The following APBB2 variants were observed in gnomAD, a reference collection of about 807,000 sequenced individuals.
APBB2 encodes the protein amyloid beta precursor protein binding family B member 2, also known as Fe65-like 1.
In APBB2, 38 loss-of-function variants were observed where a neutral mutation model predicts 82.5. That is an observed-to-expected ratio of 0.46 (90% CI 0.36 to 0.60). The LOEUF (loss-of-function observed/expected upper bound fraction) is 0.60, where lower values mean the gene tolerates loss of function less well. APBB2 is among the 20% of genes least tolerant of loss of function. The probability of loss-of-function intolerance (pLI) is 0.00; values close to 1 mark genes in which losing one functional copy is unlikely to be tolerated. For missense variants in APBB2, 772 were observed against 972.3 expected, an observed-to-expected ratio of 0.79 and a Z score of 2.74; for synonymous variants, 341 against 368.2, an observed-to-expected ratio of 0.93 and a Z score of 0.85.
At chr4:41,140,282 C>G (rs1379852393) in intron 2 of APBB2, among the ~76,000 whole-genome samples, 1 of 152,156 alleles carries the variant, frequency 6.6e-6, no homozygotes, top group Non-Finnish European at 1.5e-5. Context: ...CATTACTAAC[C>G]TCTGAAATTA....
At chr4:41,027,364 CATATATATAT>C (rs36224955) in intron 5 of APBB2, among the ~76,000 whole-genome samples, 7,318 of 127,346 alleles carry the variant, frequency 0.057, 344 homozygotes, top group East Asian at 0.091. Flanking sequence ...CATATTGTTA[CATATATATAT>C]ATATATATAT....
In APBB2 at chr4:40,812,046, T is replaced by C. The variant is rs1357783170; in HGVS notation, c.*4046A>G. ...CAAAAGACTCGAGTTGGTGACTAAATAGGCTTCTATGTCCGGAAGGCCAGC... is the reference window on the plus strand; with the variant it reads ...CAAAAGACTCGAGTTGGTGACTAAACAGGCTTCTATGTCCGGAAGGCCAGC... On this transcript the variant is annotated 3_prime_UTR_variant, in exon 18 of 18. Transcript: ENST00000508593. 6.6e-6 allele frequency: 1 copy of C among 152,190 alleles called. No individual in the cohort carries two copies. The highest frequency in any genetic ancestry group is 1.5e-5 in the Non-Finnish European group (1 of 68,028). The allele number at this position is 152,190 out of a possible 1,614,324, so 9.4% of individuals were successfully genotyped here.
intron 6 of APBB2, among the ~76,000 whole-genome samples, chr4:41,000,778 C>G (rs75438223): frequency 6.6e-6 from 1 of 152,034 alleles, no homozygotes; most frequent in Admixed American, 6.6e-5. Flanking sequence ...TATAATGAGC[C>G]TGAGATGAAA....
At chr4:40,905,258 G>C (rs1236288047) in intron 10 of APBB2, among the ~76,000 whole-genome samples, 2 of 152,168 alleles carry the variant, frequency 1.3e-5, no homozygotes, top group Non-Finnish European at 2.9e-5. Flanking sequence ...TTCCCAGCCT[G>C]GGTCACCTCT....
intron 12 of APBB2, among the ~76,000 whole-genome samples, chr4:40,854,918 C>T (rs1245001476): frequency 1.2e-4 from 19 of 152,110 alleles, no homozygotes; most frequent in Admixed American, 1.2e-3. Context: ...ACTGGAATTA[C>T]CCCATTGAAA....
chr4:41,125,023 G>A (rs140146137), intron 2 of APBB2, among the ~76,000 whole-genome samples: 62 of 152,294 alleles, frequency 4.1e-4, no homozygotes, highest in South Asian at 2.5e-3. Context: ...GGTACAATGC[G>A]TTGCCTACAC....
intron 4 of APBB2, among the ~76,000 whole-genome samples, chr4:41,044,407 T>G (rs529587978): frequency 3.3e-4 from 51 of 152,342 alleles, no homozygotes; most frequent in African/African-American, 1.2e-3. Flanking sequence ...CATGCCCTAA[T>G]AATCTTTGAT....
At chr4:41,067,534 C>T (rs1261206902) in intron 3 of APBB2, among the ~76,000 whole-genome samples, 1 of 151,860 alleles carries the variant, frequency 6.6e-6, no homozygotes. Context: ...AAAGTGATTA[C>T]AACATAGAAA....
intron 1 of APBB2, among the ~76,000 whole-genome samples, chr4:41,206,951 AC>A (rs1778090003): frequency 6.6e-6 from 1 of 152,094 alleles, no homozygotes; most frequent in African/African-American, 2.4e-5. Context: ...TAATCCCAGC[AC>A]TTTGAGAGGC....
chr4:40,834,830 G>C (rs925887034), intron 12 of APBB2, among the ~76,000 whole-genome samples: 1 of 152,136 alleles, frequency 6.6e-6, no homozygotes, highest in Non-Finnish European at 1.5e-5. Context: ...ACTGGGATTT[G>C]ACATTTCTGA....
intron 12 of APBB2, among the ~76,000 whole-genome samples, chr4:40,844,880 CTTA>C (rs1389079747): frequency 5.3e-5 from 8 of 152,162 alleles, no homozygotes; most frequent in Non-Finnish European, 1.0e-4. Flanking sequence ...TTTTCAATTT[CTTA>C]TTTTTAATAA....
chr4:40,993,847 CT>C (rs2154414645), intron 6 of APBB2, among the ~76,000 whole-genome samples: 1 of 152,204 alleles, frequency 6.6e-6, no homozygotes, highest in East Asian at 1.9e-4. Context: ...ACAGAAGGCC[CT>C]AACTAAAGCA....
chr4:40,966,203 C>T (rs981188347), intron 6 of APBB2, among the ~76,000 whole-genome samples: 4 of 152,204 alleles, frequency 2.6e-5, no homozygotes, highest in African/African-American at 7.2e-5. Flanking sequence ...CCTCCCCCCT[C>T]GTTCTTTCTC....
intron 2 of APBB2, among the ~76,000 whole-genome samples, chr4:41,106,114 T>C (rs1747143855): frequency 6.6e-6 from 1 of 152,196 alleles, no homozygotes; most frequent in African/African-American, 2.4e-5. Flanking sequence ...AATTAGCATA[T>C]GTATAGCTCA....
intron 12 of APBB2, among the ~76,000 whole-genome samples, chr4:40,834,908 G>A (rs1753346369): frequency 6.6e-6 from 1 of 152,204 alleles, no homozygotes; most frequent in Non-Finnish European, 1.5e-5. Flanking sequence ...ATTTGTTACA[G>A]CAACAATAGG....
chr4:40,951,039 G>GGCATATAGATGTAGATGGTAAC (rs1789997958), intron 6 of APBB2, among the ~76,000 whole-genome samples: 4 of 152,140 alleles, frequency 2.6e-5, no homozygotes, highest in Admixed American at 2.6e-4. Flanking sequence ...ACATTGCTTA[G>GGCATATAGATGTAGATGGTAAC]GCATATAGAT....
chr4:41,116,826 G>A lies in APBB2; in HGVS notation c.-260-16076C>T, dbSNP rs184613758. Among the ~76,000 whole-genome samples, 124 of 152,192 alleles carry A rather than the reference G, an allele frequency of 8.1e-4. 1 individual carries two copies. Among genetic ancestry groups the A allele is most frequent in the African/African-American group, 2.9e-3 (121 of 41,532 alleles). On this transcript the variant is annotated intron_variant, in intron 2 of 17. Transcript: ENST00000508593. ...AAGCTGAAATATATATCTGTCAAAA[G>A]CATTTATGGCCTTACACCTTTCTCT...
intron 12 of APBB2, among the ~76,000 whole-genome samples, chr4:40,835,855 G>T (rs977089372): frequency 1.3e-5 from 2 of 152,212 alleles, no homozygotes; most frequent in Non-Finnish European, 2.9e-5. Flanking sequence ...TGGAAGAGGT[G>T]TTGGAAGGAT....
chr4:40,893,149 G>C (rs1772531400), intron 11 of APBB2, 116 bp downstream of exon 11: 6 of 1,276,126 alleles, frequency 4.7e-6, no homozygotes, highest in Non-Finnish European at 6.5e-6. Flanking sequence ...AATGGGAAAA[G>C]GCACCTGATG....
Sources: gnomAD v4.1 joint callset for allele counts (sites outside exome capture counted in the v4.1 genomes callset) on GRCh38, gnomAD v4.1.1 for gene constraint, MANE v1.5 for transcripts, NCBI Gene and HGNC (gene_info 2026-07-23, HGNC 2026-07-21) for gene names.